ZNF454: variants seen among roughly 807,000 people sequenced by gnomAD.
The protein encoded by ZNF454 is zinc finger protein 454.
In ZNF454, 30 loss-of-function variants were observed where a neutral mutation model predicts 48.2. The observed-to-expected ratio is 0.62, with a 90% CI of 0.47 to 0.84. The LOEUF is 0.84. ZNF454 is among the 40% of genes least tolerant of loss of function. The pLI, the probability that ZNF454 is intolerant of heterozygous loss-of-function variation, is 0.00. For missense variants in ZNF454, 510 were observed against 623.1 expected (o/e 0.82, Z 1.93); for synonymous variants, 204 against 211.4 (o/e 0.97, Z 0.30).
At chr5:178,942,258 T>A (rs908938410) in intron 1 of ZNF454, among the ~76,000 whole-genome samples, 11 of 152,178 alleles carry the variant, frequency 7.2e-5, no homozygotes, top group Middle Eastern at 3.4e-3. Flanking sequence ...TATAAAAAAT[T>A]AGCCGGGCGT....
the ZNF454 span, chr5:178,986,603 C>T: frequency 1.2e-6 from 2 of 1,604,516 alleles, no homozygotes; most frequent in Non-Finnish European, 1.7e-6. Context: ...GTGAACTCGT[C>T]CACCTGGAAG....
chr5:178,986,263 C>G, the ZNF454 span: 1 of 1,614,036 alleles, frequency 6.2e-7, no homozygotes, highest in African/African-American at 1.3e-5. Flanking sequence ...GGCAGAGTAG[C>G]TGAGGGTCGT....
intron 2 of ZNF454, among the ~76,000 whole-genome samples, chr5:178,945,467 CGTG>C (rs1489908277): frequency 8.2e-6 from 1 of 122,528 alleles, no homozygotes; most frequent in Non-Finnish European, 1.7e-5. Context: ...GGGGGTGTGT[CGTG>C]TGTGTGTATG....
the ZNF454 span, chr5:178,987,215 T>G: frequency 1.5e-6 from 1 of 668,168 alleles, no homozygotes; most frequent in Non-Finnish European, 2.8e-6. Context: ...GGAACCCTTG[T>G]GCACGGTGGG....
At chr5:178,989,205 C>A in the ZNF454 span, 1 of 306,488 alleles carries the variant, frequency 3.3e-6, no homozygotes, top group Non-Finnish European at 4.9e-6. Flanking sequence ...CGCCTTCCCC[C>A]TCCCCACCCT....
chr5:178,988,172 C>T, the ZNF454 span, among the ~76,000 whole-genome samples: 90 of 152,150 alleles, frequency 5.9e-4, no homozygotes, highest in African/African-American at 2.0e-3. The surrounding 1 kb of genome is among the most constrained non-coding windows in gnomAD (Gnocchi z 6.0). Context: ...ACTGTCCAGG[C>T]GAGAGGATGA....
chr5:178,961,817 C>CA (rs58158882), intron 4 of ZNF454, among the ~76,000 whole-genome samples: 21,430 of 125,514 alleles, frequency 0.17, 1,765 homozygotes, highest in South Asian at 0.2. Flanking sequence ...GACTCTGTCT[C>CA]AAAAAAAAAA....
chr5:178,951,680 T>A (rs1245224163), intron 4 of ZNF454, among the ~76,000 whole-genome samples: 2 of 152,224 alleles, frequency 1.3e-5, no homozygotes, highest in East Asian at 3.8e-4. Flanking sequence ...TGCTGCTGGC[T>A]GTGTAAGTTA....
chr5:178,969,168 C>T (rs912888641), downstream of ZNF454, among the ~76,000 whole-genome samples: 3 of 152,190 alleles, frequency 2.0e-5, no homozygotes, highest in Non-Finnish European at 4.4e-5. Context: ...ACGGCCTTCT[C>T]GACTAGGGGA....
the ZNF454 span, chr5:178,981,831 T>G: frequency 3.1e-6 from 5 of 1,612,556 alleles, no homozygotes; most frequent in Non-Finnish European, 4.2e-6. The surrounding 1 kb of genome is among the most constrained non-coding windows in gnomAD (Gnocchi z 5.1). Context: ...AGGACACGGT[T>G]AGCGTGGTTG....
At chr5:178,971,165 G>A (rs1216298806), downstream of ZNF454, among the ~76,000 whole-genome samples, 9 of 152,172 alleles carry the variant, frequency 5.9e-5, no homozygotes, top group Admixed American at 2.0e-4. Context: ...GGAGAGGCTC[G>A]GGATAACAAA....
At chr5:178,950,274 C>G (rs987874719) in intron 4 of ZNF454, among the ~76,000 whole-genome samples, 2 of 152,180 alleles carry the variant, frequency 1.3e-5, no homozygotes, top group Non-Finnish European at 2.9e-5. Context: ...GGGGAGAAAG[C>G]TGACATTTGA....
At chr5:178,967,842 T>C (rs111804778), downstream of ZNF454, among the ~76,000 whole-genome samples, 4 of 149,810 alleles carry the variant, frequency 2.7e-5, no homozygotes, top group African/African-American at 9.8e-5. Context: ...TGGGTTCAAG[T>C]GATTCTCCTG....
At chr5:178,977,063 A>G in the ZNF454 span, among the ~76,000 whole-genome samples, 1 of 152,184 alleles carries the variant, frequency 6.6e-6, no homozygotes, top group Non-Finnish European at 1.5e-5. Flanking sequence ...GGACCCTAGC[A>G]ATGGGACACA....
downstream of ZNF454, among the ~76,000 whole-genome samples, chr5:178,970,080 C>T (rs556271113): frequency 6.6e-6 from 1 of 152,346 alleles, no homozygotes; most frequent in African/African-American, 2.4e-5. Context: ...GCAGCAGACT[C>T]AGGCTTCCAG....
rs376076433 is a variant in ZNF454, at chr5:178,941,926, C to T, written c.-108+482C>T. Among the ~76,000 whole-genome samples, 26 of 147,928 alleles carry T rather than the reference C, an allele frequency of 1.8e-4. No individual in the cohort carries two copies. Among genetic ancestry groups the T allele is most frequent in the African/African-American group, 6.4e-4 (26 of 40,446 alleles). On this transcript the variant is annotated intron_variant, in intron 1 of 4. Transcript: ENST00000519564. This position sits in a 1 kb window ranked among gnomAD's most constrained non-coding sequence, Gnocchi z 5.5. ...GCCTCCTTTCTGAGGAGGAAGAAGA[C>T]CACCCTCCTTTTCCTCTTCTCCTGT...
chr5:178,945,332 TTGTA>T (rs1422195785), intron 2 of ZNF454, among the ~76,000 whole-genome samples: 4 of 151,100 alleles, frequency 2.6e-5, no homozygotes, highest in East Asian at 2.0e-4. Flanking sequence ...TTGTGTGTGT[TTGTA>T]TGTGGGTGTA....
At chr5:178,960,216 A>G (rs1278007669) in intron 4 of ZNF454, among the ~76,000 whole-genome samples, 3 of 144,670 alleles carry the variant, frequency 2.1e-5, no homozygotes, top group Non-Finnish European at 3.0e-5. Flanking sequence ...CTCCCAAAGC[A>G]CTGGGATTAC....
the ZNF454 span, chr5:178,988,855 T>G: frequency 7.6e-6 from 9 of 1,180,262 alleles, no homozygotes; most frequent in Non-Finnish European, 9.9e-6. This position sits in a 1 kb window ranked among gnomAD's most constrained non-coding sequence, Gnocchi z 6.0. Context: ...CCTTCCACCC[T>G]GAGGTTGTCC....
Sources: allele counts gnomAD v4.1 joint callset (sites outside exome capture counted in the v4.1 genomes callset), GRCh38; gene constraint gnomAD v4.1.1; non-coding constraint Gnocchi (gnomAD v3.1); transcripts MANE v1.5; gene names NCBI Gene and HGNC (gene_info 2026-07-23, HGNC 2026-07-21).